Variants in CDKAL1 observed in about 807,000 individuals in gnomAD.
CDKAL1 encodes the protein CDKAL1 threonylcarbamoyladenosine tRNA methylthiotransferase, also known as threonylcarbamoyladenosine tRNA methylthiotransferase.
In CDKAL1, 32 loss-of-function variants were observed where a neutral mutation model predicts 68.2. That is an observed-to-expected ratio of 0.47 (90% CI 0.35 to 0.63). The LOEUF (loss-of-function observed/expected upper bound fraction) is 0.63, where lower values mean the gene tolerates loss of function less well. CDKAL1 is among the 30% of genes least tolerant of loss of function. CDKAL1 has a pLI of 0.00. For missense variants in CDKAL1, 606 were observed against 696.7 expected (o/e 0.87, Z 1.47); for synonymous variants, 234 against 244.3 (o/e 0.96, Z 0.39).
At chr6:21,082,881 T>G (rs1225762740) in intron 12 of CDKAL1, among the ~76,000 whole-genome samples, 4 of 150,436 alleles carry the variant, frequency 2.7e-5, no homozygotes, top group Non-Finnish European at 5.9e-5. Context: ...TTTGTTTTTT[T>G]TTTTTTTTTT....
intron 13 of CDKAL1, among the ~76,000 whole-genome samples, chr6:21,155,313 C>T (rs138568553): frequency 1.5e-4 from 23 of 152,172 alleles, no homozygotes; most frequent in African/African-American, 5.3e-4. Context: ...GGGAGGACAG[C>T]TTTAAGAAGC....
At chr6:21,136,254 T>C (rs1775589209) in intron 13 of CDKAL1, among the ~76,000 whole-genome samples, 2 of 152,218 alleles carry the variant, frequency 1.3e-5, no homozygotes, top group South Asian at 4.1e-4. Flanking sequence ...TAGGACTCAA[T>C]AGTCTTTATA....
chr6:20,547,119 T>C (rs1763638852), intron 3 of CDKAL1, among the ~76,000 whole-genome samples: 1 of 152,220 alleles, frequency 6.6e-6, no homozygotes, highest in Admixed American at 6.5e-5. Context: ...AGTATCATTT[T>C]GGCACTCAAA....
intron 11 of CDKAL1, among the ~76,000 whole-genome samples, chr6:21,042,767 C>G (rs558635056): frequency 6.6e-6 from 1 of 152,302 alleles, no homozygotes; most frequent in South Asian, 2.1e-4. Flanking sequence ...GTTTTCCTCC[C>G]CACAAAAGCC....
intron 15 of CDKAL1, among the ~76,000 whole-genome samples, chr6:21,211,567 G>A (rs764020655): frequency 6.6e-6 from 1 of 152,166 alleles, no homozygotes; most frequent in Non-Finnish European, 1.5e-5. Context: ...GACGATTGCC[G>A]GTGAACCAGG....
intron 10 of CDKAL1, among the ~76,000 whole-genome samples, chr6:20,969,485 G>A (rs945458644): frequency 6.6e-6 from 1 of 152,120 alleles, no homozygotes; most frequent in Admixed American, 6.6e-5. Flanking sequence ...AAAGACAAAA[G>A]AATATCTATG....
chr6:20,949,144 T>C (rs1393060792), intron 9 of CDKAL1, among the ~76,000 whole-genome samples: 1 of 152,198 alleles, frequency 6.6e-6, no homozygotes, highest in Admixed American at 6.5e-5. Context: ...GTTTTCTGAG[T>C]ATTGATCTGT....
At chr6:20,701,899 G>T (rs1308458255) in intron 5 of CDKAL1, among the ~76,000 whole-genome samples, 1 of 152,150 alleles carries the variant, frequency 6.6e-6, no homozygotes, top group Non-Finnish European at 1.5e-5. Flanking sequence ...AAAAGGAATG[G>T]AGACATTTTT....
chr6:20,743,156 C>G (rs1296970847), intron 6 of CDKAL1, among the ~76,000 whole-genome samples: 1 of 152,146 alleles, frequency 6.6e-6, no homozygotes, highest in African/African-American at 2.4e-5. Context: ...CTATTTTTAG[C>G]AGGAAGTTTA....
At chr6:21,055,885 C>T (rs1770805862) in intron 11 of CDKAL1, among the ~76,000 whole-genome samples, 1 of 152,082 alleles carries the variant, frequency 6.6e-6, no homozygotes, top group Non-Finnish European at 1.5e-5. Context: ...GGGTATATAC[C>T]AAGAAATGGG....
chr6:21,123,250 T>C (rs1774819745), intron 13 of CDKAL1, among the ~76,000 whole-genome samples: 1 of 151,712 alleles, frequency 6.6e-6, no homozygotes, highest in Non-Finnish European at 1.5e-5. Flanking sequence ...AGGCCAGGAG[T>C]TGGAGACCCG....
chr6:20,866,096 A>T (rs1178839301), intron 9 of CDKAL1, among the ~76,000 whole-genome samples: 8 of 152,122 alleles, frequency 5.3e-5, no homozygotes. Flanking sequence ...AAATAAACCT[A>T]CTTTTGTTTC....
intron 13 of CDKAL1, among the ~76,000 whole-genome samples, chr6:21,169,132 T>C (rs531948997): frequency 1.3e-5 from 2 of 152,078 alleles, no homozygotes; most frequent in Non-Finnish European, 2.9e-5. Flanking sequence ...ACTAAAATGG[T>C]CTACAAGTTG....
At chr6:20,538,699 A>G (rs1485668533) in intron 2 of CDKAL1, among the ~76,000 whole-genome samples, 1 of 152,216 alleles carries the variant, frequency 6.6e-6, no homozygotes, top group Non-Finnish European at 1.5e-5. Context: ...CAAAGGCACT[A>G]CCTGGTCCTA....
chr6:20,740,878 G>A (rs1773425411), intron 6 of CDKAL1, among the ~76,000 whole-genome samples: 2 of 152,172 alleles, frequency 1.3e-5, no homozygotes, highest in Non-Finnish European at 2.9e-5. Flanking sequence ...GGACTCCCGA[G>A]TTATCTTTTC....
chr6:20,896,893 A>G (rs1483879030), intron 9 of CDKAL1, among the ~76,000 whole-genome samples: 2 of 152,200 alleles, frequency 1.3e-5, no homozygotes, highest in Non-Finnish European at 2.9e-5. Flanking sequence ...ATTCAATCAG[A>G]TGAAAGTGTT....
chr6:20,998,117 A>G (rs1219080557), intron 10 of CDKAL1, among the ~76,000 whole-genome samples: 1 of 152,204 alleles, frequency 6.6e-6, no homozygotes, highest in East Asian at 1.9e-4. Context: ...AGATATGTCT[A>G]AAGCTGTGAG....
At chr6:20,897,763 A>C (rs139789159) in intron 9 of CDKAL1, among the ~76,000 whole-genome samples, 1,746 of 152,284 alleles carry the variant, frequency 0.011, 29 homozygotes, top group African/African-American at 0.039. Flanking sequence ...TAAATTTTAT[A>C]TTCTATGGAA....
chr6:21,052,537 G>GT (rs66607398), intron 11 of CDKAL1, among the ~76,000 whole-genome samples: 35,656 of 128,292 alleles, frequency 0.28, 5,083 homozygotes, highest in South Asian at 0.36. Flanking sequence ...TTAATTGGTT[G>GT]TTTTTTTTTT....
Sources: gnomAD v4.1 joint callset for allele counts (sites outside exome capture counted in the v4.1 genomes callset) on GRCh38, gnomAD v4.1.1 for gene constraint, MANE v1.5 for transcripts, NCBI Gene and HGNC (gene_info 2026-07-23, HGNC 2026-07-21) for gene names.